PPARGC1B: variants seen among roughly 807,000 people sequenced by gnomAD.
PPARGC1B encodes peroxisome proliferator-activated receptor gamma coactivator 1-beta.
A neutral mutation model predicts 101.6 loss-of-function variants in PPARGC1B; 34 were observed. The observed-to-expected ratio is 0.33, with a 90% CI of 0.25 to 0.45. The LOEUF (loss-of-function observed/expected upper bound fraction) is 0.45, where lower values mean the gene tolerates loss of function less well. Among genes scored for constraint, PPARGC1B ranks in the 20% least tolerant of loss-of-function variants. The probability of loss-of-function intolerance (pLI) is 1.00; values close to 1 mark genes in which losing one functional copy is unlikely to be tolerated. For synonymous variants in PPARGC1B, 548 were observed against 539.3 expected, an observed-to-expected ratio of 1.02 and a Z score of -0.22; for missense variants, 1,234 against 1,317.6, an observed-to-expected ratio of 0.94 and a Z score of 0.98.
At chr5:149,732,691 G>T (rs1754547303) in intron 1 of PPARGC1B, 1 of 418,360 alleles carries the variant, frequency 2.4e-6, no homozygotes, top group Non-Finnish European at 4.9e-6. Flanking sequence ...CCCCTAGAAG[G>T]CTCGGAGAGC....
intron 1 of PPARGC1B, among the ~76,000 whole-genome samples, chr5:149,742,257 G>A (rs543989698): frequency 1.3e-5 from 2 of 152,128 alleles, no homozygotes; most frequent in Non-Finnish European, 2.9e-5. Flanking sequence ...TGGGGGCCCC[G>A]CCATGAAGTG....
intron 2 of PPARGC1B, among the ~76,000 whole-genome samples, chr5:149,821,054 A>T (rs867934467): frequency 6.6e-6 from 1 of 152,244 alleles, no homozygotes; most frequent in Non-Finnish European, 1.5e-5. Context: ...ACTGGATTCA[A>T]ACCCAGTCTT....
At chr5:149,737,110 G>T (rs1343370105) in intron 1 of PPARGC1B, among the ~76,000 whole-genome samples, 2 of 152,054 alleles carry the variant, frequency 1.3e-5, no homozygotes, top group African/African-American at 2.4e-5. Flanking sequence ...TCTTTTTACC[G>T]TTTGTACAGT....
intron 1 of PPARGC1B, among the ~76,000 whole-genome samples, chr5:149,769,766 G>A (rs961107625): frequency 1.3e-5 from 2 of 152,164 alleles, no homozygotes; most frequent in African/African-American, 4.8e-5. Flanking sequence ...CCATTTTCTG[G>A]CCTTTTCCAG....
chr5:149,754,595 C>G (rs1755436341), intron 1 of PPARGC1B, among the ~76,000 whole-genome samples: 1 of 151,886 alleles, frequency 6.6e-6, no homozygotes, highest in African/African-American at 2.4e-5. Context: ...TTTTACTTAC[C>G]TTAAACTTTA....
chr5:149,833,632 G>A lies in PPARGC1B; in HGVS notation c.1559G>A (p.Arg520Gln), dbSNP rs371306547. ...GCTCCCAAGGCCTACGACGTAGAGC[G>A]GGAGCTGGGCAGCCCCACGGACGAG... ...CLAPKAYDVE[R>Q]ELGSPTDEDS... Residue 520 changes from arginine (R) to glutamine (Q), a missense_variant, in exon 5 of 12, where the codon CGG becomes CAG. By Grantham distance (43) the Arg-to-Gln change is conservative. Coordinates refer to ENST00000309241, the MANE Select transcript of PPARGC1B (RefSeq NM_133263.4). The surrounding 1 kb of genome is among the most constrained non-coding windows in gnomAD (Gnocchi z 4.1). 5.2e-5 allele frequency: 84 copies of A among 1,609,798 alleles called. No homozygotes were observed. The highest frequency in any genetic ancestry group is 3.3e-4 in the Middle Eastern group (2 of 6,056).
chr5:149,840,311 G>A (rs1308780910), intron 9 of PPARGC1B, among the ~76,000 whole-genome samples, 195 bp downstream of exon 9: 1 of 152,162 alleles, frequency 6.6e-6, no homozygotes, highest in African/African-American at 2.4e-5. Flanking sequence ...GTCACTAAAG[G>A]GCATCAAAGG....
At chr5:149,809,119 A>ATAGT (rs1757708708) in intron 1 of PPARGC1B, among the ~76,000 whole-genome samples, 1 of 111,656 alleles carries the variant, frequency 9.0e-6, no homozygotes, top group Admixed American at 9.3e-5. Context: ...TCCACCTTAG[A>ATAGT]TAGATAGATA....
intron 1 of PPARGC1B, among the ~76,000 whole-genome samples, chr5:149,742,317 G>A (rs1011579148): frequency 6.6e-6 from 1 of 152,168 alleles, no homozygotes; most frequent in African/African-American, 2.4e-5. Flanking sequence ...ACACTGCAAG[G>A]CTCAGCTCAA....
intron 1 of PPARGC1B, among the ~76,000 whole-genome samples, chr5:149,778,113 AG>A: frequency 1.5e-5 from 1 of 67,574 alleles, no homozygotes; most frequent in Non-Finnish European, 2.9e-5. Flanking sequence ...ACACACACAG[AG>A]TACCCAGCTG....
intron 1 of PPARGC1B, among the ~76,000 whole-genome samples, chr5:149,760,805 C>G (rs536846325): frequency 6.6e-6 from 1 of 152,230 alleles, no homozygotes; most frequent in East Asian, 1.9e-4. Context: ...TATAGCAGGT[C>G]CCTTTTGACT....
At chr5:149,839,045 T>C (rs1035699338) in intron 8 of PPARGC1B, among the ~76,000 whole-genome samples, 1 of 152,206 alleles carries the variant, frequency 6.6e-6, no homozygotes, top group African/African-American at 2.4e-5. Context: ...CCCATTATCC[T>C]ACTAGAGCTT....
Position 149,832,143 on chromosome 5 carries a change from C to G in PPARGC1B, c.583-513C>G, listed in dbSNP as rs1330149604. On this transcript the variant is annotated intron_variant, in intron 4 of 11. Coordinates refer to ENST00000309241, the MANE Select transcript of PPARGC1B (RefSeq NM_133263.4). This position sits in a 1 kb window ranked among gnomAD's most constrained non-coding sequence, Gnocchi z 4.9. ...CCAACGTGGTGAAACCTTGTCTCTA[C>G]TAAAAAATACAAAAAATTAGCCGGG... 3.9e-5 allele frequency among the ~76,000 whole-genome samples: 6 copies of G among 152,010 alleles called. No individual in the cohort carries two copies. The highest frequency in any genetic ancestry group is 5.9e-5 in the Non-Finnish European group (4 of 68,020).
Position 149,777,448 on chromosome 5 carries a change from G to A in PPARGC1B, c.79-42985G>A, listed in dbSNP as rs549643771. Among the ~76,000 whole-genome samples, 220 of 152,132 alleles carry A rather than the reference G, an allele frequency of 1.4e-3. 1 individual carries two copies. Among genetic ancestry groups the A allele is most frequent in the Middle Eastern group, 0.014 (4 of 292 alleles). On this transcript the variant is annotated intron_variant, in intron 1 of 11. Coordinates refer to ENST00000309241, the MANE Select transcript of PPARGC1B (RefSeq NM_133263.4). ...CCTGGGCCATTGGCAGCCCCTGCCC[G>A]GTTGTGAGGCCTGGCCTGAGTGGTG... is the stretch of plus-strand genomic sequence containing the variant.
intron 1 of PPARGC1B, among the ~76,000 whole-genome samples, chr5:149,812,061 G>T (rs1581083529): frequency 6.6e-6 from 1 of 152,220 alleles, no homozygotes; most frequent in African/African-American, 2.4e-5. Context: ...AAGGCTTGGA[G>T]CCCGGCTGTG....
chr5:149,805,733 C>T (rs1485950339), intron 1 of PPARGC1B, among the ~76,000 whole-genome samples: 1 of 152,226 alleles, frequency 6.6e-6, no homozygotes, highest in Non-Finnish European at 1.5e-5. Flanking sequence ...CTGCGCCTGG[C>T]CTATTTATCT....
chr5:149,821,176 C>A (rs1265320384), intron 2 of PPARGC1B, among the ~76,000 whole-genome samples: 2 of 152,290 alleles, frequency 1.3e-5, no homozygotes, highest in East Asian at 3.9e-4. Context: ...TATATTAATT[C>A]ATTTAAATTT....
intron 1 of PPARGC1B, among the ~76,000 whole-genome samples, chr5:149,741,626 CTT>C (rs11332172): frequency 5.7e-4 from 80 of 139,436 alleles, no homozygotes; most frequent in African/African-American, 1.6e-3. Context: ...CCAAAATATT[CTT>C]TTTTTTTTTT....
chr5:149,742,630 G>A (rs1754952109), intron 1 of PPARGC1B, among the ~76,000 whole-genome samples: 1 of 152,182 alleles, frequency 6.6e-6, no homozygotes, highest in Non-Finnish European at 1.5e-5. Flanking sequence ...TTATTGGTAT[G>A]TGCCAGGTAC....
Sources: gnomAD v4.1 joint callset for allele counts (sites outside exome capture counted in the v4.1 genomes callset) on GRCh38, gnomAD v4.1.1 for gene constraint, Gnocchi (gnomAD v3.1) non-coding constraint, MANE v1.5 for transcripts, NCBI Gene and HGNC (gene_info 2026-07-23, HGNC 2026-07-21) for gene names.